FBXL2: variants seen among roughly 807,000 people sequenced by gnomAD.
The protein encoded by FBXL2 is F-box/LRR-repeat protein 2.
A neutral mutation model predicts 69.2 loss-of-function variants in FBXL2; 38 were observed. The ratio of observed to expected loss-of-function variants is 0.55; its 90% CI spans 0.42 to 0.72. The LOEUF (loss-of-function observed/expected upper bound fraction) is 0.72. FBXL2 is among the 30% of genes least tolerant of loss of function. FBXL2 has a pLI of 0.00. For missense variants in FBXL2, 354 were observed against 520.3 expected, an observed-to-expected ratio of 0.68 and a Z score of 3.11; for synonymous variants, 192 against 201.3, an observed-to-expected ratio of 0.95 and a Z score of 0.39.
intron 2 of FBXL2, among the ~76,000 whole-genome samples, chr3:33,325,207 T>A (rs1002755785): frequency 1.3e-5 from 2 of 152,186 alleles, no homozygotes; most frequent in African/African-American, 4.8e-5. Context: ...ATGATAGGGT[T>A]TTCTAAATAA....
chr3:33,334,421 C>G (rs140849550), intron 2 of FBXL2, among the ~76,000 whole-genome samples: 55 of 152,240 alleles, frequency 3.6e-4, no homozygotes, highest in Non-Finnish European at 6.5e-4. Context: ...ATTGAATAGG[C>G]ATTTCAGCAA....
rs143874763 is a variant in FBXL2, at chr3:33,324,085, G to C, written c.65+26360G>C. Among the ~76,000 whole-genome samples the C allele has an allele frequency of 9.6e-3, 1,465 of 152,144 alleles. 9 individuals carry two copies. The highest frequency in any genetic ancestry group is 0.037 in the Middle Eastern group (11 of 294). On this transcript the variant is annotated intron_variant, in intron 2 of 14. Coordinates refer to ENST00000484457, the MANE Select transcript of FBXL2 (RefSeq NM_012157.5). ...ATGATGAGCTTTTTTTCATATGTTT[G>C]TTGGCCACATAAATGTCTTCTTTTG... is the stretch of plus-strand genomic sequence containing the variant.
intron 5 of FBXL2, 104 bp from the exon 6 acceptor site, chr3:33,372,988 A>T: frequency 2.1e-6 from 2 of 940,916 alleles, no homozygotes; most frequent in South Asian, 1.3e-5. Flanking sequence ...TACGCGCTTT[A>T]ATTAAGTTTG....
intron 2 of FBXL2, among the ~76,000 whole-genome samples, chr3:33,324,598 A>G (rs915685222): frequency 6.6e-6 from 1 of 152,246 alleles, no homozygotes; most frequent in East Asian, 1.9e-4. Context: ...GGTTTGTCAA[A>G]GATCAGGTGG....
intron 2 of FBXL2, among the ~76,000 whole-genome samples, chr3:33,352,931 A>AACAAAAAAG (rs2040930132): frequency 3.3e-5 from 5 of 152,034 alleles, no homozygotes; most frequent in African/African-American, 1.2e-4. Flanking sequence ...AAACAAAAAA[A>AACAAAAAAG]CCCATCTCAA....
chr3:33,399,583 T>A (rs897750692), intron 12 of FBXL2, among the ~76,000 whole-genome samples: 7 of 152,224 alleles, frequency 4.6e-5, no homozygotes, highest in Non-Finnish European at 1.5e-5. Context: ...TGCATTTATA[T>A]AACATTCTCA....
chr3:33,421,221 G>A, the FBXL2 span, among the ~76,000 whole-genome samples: 1 of 148,768 alleles, frequency 6.7e-6, no homozygotes, highest in Admixed American at 6.7e-5. Flanking sequence ...TTACTCCAGA[G>A]TTAAAGTCAG....
At chr3:33,360,013 G>T (rs1052208134) in intron 4 of FBXL2, among the ~76,000 whole-genome samples, 2 of 152,014 alleles carry the variant, frequency 1.3e-5, no homozygotes, top group African/African-American at 4.8e-5. Flanking sequence ...GAAAGTTTAG[G>T]CAGGGAATAA....
chr3:33,392,118 C>T (rs891754343), downstream of FBXL2: 11 of 153,464 alleles, frequency 7.2e-5, no homozygotes, highest in African/African-American at 2.6e-4. Context: ...CCTTGCCTTA[C>T]AGTTTCATAT....
intron 11 of FBXL2, among the ~76,000 whole-genome samples, chr3:33,377,893 G>C (rs2042748995): frequency 6.6e-6 from 1 of 152,246 alleles, no homozygotes; most frequent in Non-Finnish European, 1.5e-5. Context: ...AATGCAGCCA[G>C]AGGCAGCCCT....
At chr3:33,403,342 G>A (rs553761423) in exon 13 of FBXL2, 9 of 227,966 alleles carry the variant, frequency 3.9e-5, no homozygotes, top group South Asian at 1.6e-4. Context: ...GACCTAGCTA[G>A]TGCTCCTTTT....
chr3:33,395,687 T>C (rs1485703368), intron 12 of FBXL2, among the ~76,000 whole-genome samples: 1 of 138,768 alleles, frequency 7.2e-6, no homozygotes, highest in East Asian at 2.1e-4. Flanking sequence ...GACTATTACA[T>C]GCAGGCACTG....
intron 2 of FBXL2, among the ~76,000 whole-genome samples, chr3:33,356,907 C>G (rs145272959): frequency 9.4e-4 from 143 of 152,262 alleles, no homozygotes; most frequent in African/African-American, 3.3e-3. Flanking sequence ...CAGGATCTAG[C>G]CCAATCCTGA....
chr3:33,411,282 A>T, the FBXL2 span, among the ~76,000 whole-genome samples: 6 of 152,182 alleles, frequency 3.9e-5, no homozygotes, highest in Non-Finnish European at 8.8e-5. Context: ...TATCCTTTTA[A>T]ATAGCAGCTT....
At chr3:33,374,311 T>C (rs949611808) in intron 9 of FBXL2, among the ~76,000 whole-genome samples, 1 of 152,136 alleles carries the variant, frequency 6.6e-6, no homozygotes, top group African/African-American at 2.4e-5. Flanking sequence ...GTGGATAAAA[T>C]GAAATAACAC....
At chr3:33,409,551 C>G in the FBXL2 span, 1 of 1,614,192 alleles carries the variant, frequency 6.2e-7, no homozygotes, top group Non-Finnish European at 8.5e-7. Context: ...AGGGCACTCC[C>G]TTTTCACCTC....
chr3:33,412,452 G>A, the FBXL2 span, among the ~76,000 whole-genome samples: 6 of 151,726 alleles, frequency 4.0e-5, no homozygotes, highest in South Asian at 2.1e-4. Flanking sequence ...GCATGGTGGC[G>A]CGCACCTGCA....
the FBXL2 span, chr3:33,412,757 TTCCA>T: frequency 6.2e-7 from 1 of 1,614,022 alleles, no homozygotes; most frequent in Non-Finnish European, 8.5e-7. Context: ...GCGATTCCAC[TTCCA>T]TCCTTCAAGT....
At chr3:33,405,395 A>G (rs1463901717), downstream of FBXL2, among the ~76,000 whole-genome samples, 1 of 152,244 alleles carries the variant, frequency 6.6e-6, no homozygotes, top group African/African-American at 2.4e-5. Context: ...TCACAGTTTT[A>G]TCTTAAATTG....
Sources: allele counts gnomAD v4.1 joint callset (sites outside exome capture counted in the v4.1 genomes callset), GRCh38; gene constraint gnomAD v4.1.1; transcripts MANE v1.5; gene names NCBI Gene and HGNC (gene_info 2026-07-23, HGNC 2026-07-21).